The following GRIK4 variants were observed in gnomAD, a reference collection of about 807,000 sequenced individuals.
GRIK4 encodes glutamate receptor ionotropic, kainate 4.
Under a neutral mutation model 104.9 loss-of-function variants are expected in GRIK4, and 40 were observed. The observed-to-expected ratio is 0.38, with a 90% confidence interval of 0.30 to 0.50. GRIK4 has a LOEUF of 0.50. GRIK4 is among the 20% of genes least tolerant of loss of function. The pLI is 0.93. For missense variants in GRIK4, 1,047 were observed against 1,308.1 expected, an observed-to-expected ratio of 0.80 and a Z score of 3.08; for synonymous variants, 485 against 524.9, an observed-to-expected ratio of 0.92 and a Z score of 1.04.
At chr11:120,616,317 C>A (rs1949113562) in intron 1 of GRIK4, among the ~76,000 whole-genome samples, 1 of 152,078 alleles carries the variant, frequency 6.6e-6, no homozygotes, top group African/African-American at 2.4e-5. Flanking sequence ...GTCAATAATC[C>A]CTTTACTAAG....
intron 3 of GRIK4, among the ~76,000 whole-genome samples, chr11:120,664,056 C>A (rs934259079): frequency 1.3e-5 from 2 of 152,192 alleles, no homozygotes; most frequent in Non-Finnish European, 1.5e-5. Context: ...ACACATGATG[C>A]AAAGAAGTAT....
chr11:120,777,267 CACAA>C (rs1952062434), intron 3 of GRIK4, among the ~76,000 whole-genome samples: 1 of 152,350 alleles, frequency 6.6e-6, no homozygotes, highest in East Asian at 1.9e-4. Context: ...ATTCCAGCTA[CACAA>C]ACAGTTTGGT....
intron 3 of GRIK4, among the ~76,000 whole-genome samples, chr11:120,713,473 T>C (rs1950775255): frequency 1.3e-5 from 2 of 152,222 alleles, no homozygotes; most frequent in Non-Finnish European, 2.9e-5. Context: ...CATTGGGCTC[T>C]TCAGTCATTG....
chr11:120,844,878 G>T (rs1399986783), intron 8 of GRIK4, among the ~76,000 whole-genome samples: 1 of 152,196 alleles, frequency 6.6e-6, no homozygotes, highest in Admixed American at 6.5e-5. Context: ...TTGGCACCAA[G>T]AATGATCACT....
At chr11:120,624,653 C>T (rs1028943551) in intron 1 of GRIK4, among the ~76,000 whole-genome samples, 2 of 152,134 alleles carry the variant, frequency 1.3e-5, no homozygotes, top group South Asian at 2.1e-4. Context: ...CGTACCCTGC[C>T]GCGGAGTCTG....
intron 1 of GRIK4, among the ~76,000 whole-genome samples, chr11:120,567,433 A>G (rs1948345272): frequency 6.6e-6 from 1 of 152,214 alleles, no homozygotes; most frequent in Non-Finnish European, 1.5e-5. Context: ...TGCTGGGATT[A>G]CAGGTGTGAG....
intron 3 of GRIK4, among the ~76,000 whole-genome samples, chr11:120,712,623 T>TAAA (rs72232565): frequency 7.2e-6 from 1 of 138,042 alleles, no homozygotes. Context: ...CCCTGTCTCT[T>TAAA]AAAAAAAAAA....
At chr11:120,727,155 G>A (rs1020816692) in intron 3 of GRIK4, among the ~76,000 whole-genome samples, 1 of 152,184 alleles carries the variant, frequency 6.6e-6, no homozygotes, top group African/African-American at 2.4e-5. Flanking sequence ...CACTTCAGTA[G>A]TAGGTATGTG....
At chr11:120,586,707 CT>C (rs1423232980) in intron 1 of GRIK4, among the ~76,000 whole-genome samples, 3 of 152,188 alleles carry the variant, frequency 2.0e-5, no homozygotes, top group African/African-American at 7.2e-5. Context: ...TCCCTTCCCT[CT>C]GTCCCACAGC....
intron 1 of GRIK4, among the ~76,000 whole-genome samples, chr11:120,641,813 A>C (rs1277436060): frequency 1.3e-5 from 2 of 152,112 alleles, no homozygotes; most frequent in Non-Finnish European, 2.9e-5. Flanking sequence ...TAGAATGCCT[A>C]ACTTCCTGGG....
intron 1 of GRIK4, among the ~76,000 whole-genome samples, chr11:120,627,268 T>C (rs1345728022): frequency 6.6e-6 from 1 of 152,216 alleles, no homozygotes; most frequent in Non-Finnish European, 1.5e-5. Context: ...ATTCTCGCCA[T>C]TTACTTACAA....
At chr11:120,807,565 G>A (rs987908977) in intron 4 of GRIK4, among the ~76,000 whole-genome samples, 2 of 152,166 alleles carry the variant, frequency 1.3e-5, no homozygotes, top group African/African-American at 2.4e-5. Flanking sequence ...CAGGCTCCAC[G>A]AGCATGACCT....
chr11:120,774,534 T>C (rs1235137468), intron 3 of GRIK4, among the ~76,000 whole-genome samples: 1 of 152,202 alleles, frequency 6.6e-6, no homozygotes, highest in Non-Finnish European at 1.5e-5. Context: ...TTTTCTTCTC[T>C]TAAGTAAGTC....
intron 1 of GRIK4, among the ~76,000 whole-genome samples, chr11:120,639,675 C>A (rs141303042): frequency 1.3e-5 from 2 of 152,194 alleles, no homozygotes; most frequent in African/African-American, 2.4e-5. Flanking sequence ...CAAATGCAAA[C>A]GTCTCTTCCT....
intron 11 of GRIK4, among the ~76,000 whole-genome samples, chr11:120,882,814 C>A (rs1476983591): frequency 6.6e-5 from 10 of 152,146 alleles, no homozygotes; most frequent in Admixed American, 6.5e-4. Context: ...GTGCTGCATA[C>A]CTTTGAGTCC....
chr11:120,730,037 A>G (rs554340095), intron 3 of GRIK4, among the ~76,000 whole-genome samples: 1 of 152,232 alleles, frequency 6.6e-6, no homozygotes, highest in South Asian at 2.1e-4. Flanking sequence ...TCCCCAGTGT[A>G]CATTCTTGGC....
chr11:120,575,394 T>G (rs1948469456), intron 1 of GRIK4, among the ~76,000 whole-genome samples: 1 of 152,178 alleles, frequency 6.6e-6, no homozygotes. Context: ...GGAACTTGTC[T>G]GCGTCGTTTT....
At chr11:120,575,222 A>G (rs543840910) in intron 1 of GRIK4, among the ~76,000 whole-genome samples, 1 of 152,170 alleles carries the variant, frequency 6.6e-6, no homozygotes, top group Admixed American at 6.5e-5. Context: ...CATTTTGGCG[A>G]ATTCTGAAGA....
chr11:120,780,716 TTTTG>T (rs769075211), intron 3 of GRIK4, among the ~76,000 whole-genome samples: 149 of 152,216 alleles, frequency 9.8e-4, no homozygotes, highest in Admixed American at 6.5e-4. Flanking sequence ...CCGGGGTTTT[TTTTG>T]TTTGTTTGTT....
Sources: gnomAD v4.1 joint callset for allele counts (sites outside exome capture counted in the v4.1 genomes callset) on GRCh38, gnomAD v4.1.1 for gene constraint, MANE v1.5 for transcripts, NCBI Gene and HGNC (gene_info 2026-07-23, HGNC 2026-07-21) for gene names.